Variants in ITGA2 observed in about 807,000 individuals in gnomAD.
ITGA2 encodes the protein integrin alpha-2.
Under a neutral mutation model 146.3 loss-of-function variants are expected in ITGA2, and 101 were observed. The observed-to-expected ratio is 0.69, with a 90% CI of 0.59 to 0.81. ITGA2 has a LOEUF of 0.81. ITGA2 is among the 40% of genes least tolerant of loss of function. ITGA2 has a pLI of 0.00. For missense variants in ITGA2, 1,281 were observed against 1,402.7 expected (o/e 0.91, Z 1.39); for synonymous variants, 477 against 487.1 (o/e 0.98, Z 0.27).
chr5:52,989,627 T>G, intron 1 of ITGA2, 95 bp downstream of exon 1: 4 of 1,345,116 alleles, frequency 3.0e-6, no homozygotes, highest in Non-Finnish European at 4.3e-6. Context: ...GGGAGCGAGC[T>G]CCGTGTGTTC....
chr5:53,061,770 A>G (rs1024279084), intron 12 of ITGA2, among the ~76,000 whole-genome samples: 12 of 151,910 alleles, frequency 7.9e-5, no homozygotes, highest in African/African-American at 2.9e-4. Context: ...CTGACAACCA[A>G]CAAAAAGTGG....
chr5:53,063,107 G>A (rs559332563), intron 13 of ITGA2, among the ~76,000 whole-genome samples, 178 bp downstream of exon 13: 5 of 151,932 alleles, frequency 3.3e-5, no homozygotes, highest in Admixed American at 2.6e-4. Context: ...CACATTAACA[G>A]GAAAAACTAG....
At position 53,078,863 on chromosome 5, in the gene ITGA2, T is replaced by C. The variant is rs779030762; in HGVS notation, c.2917T>C (p.Phe973Leu). Residue 973 changes from phenylalanine (F) to leucine (L), a missense_variant, in exon 24 of 30, where the codon TTC becomes CTC. Coordinates refer to ENST00000296585, the MANE Select transcript of ITGA2 (RefSeq NM_002203.4). The stretch of plus-strand genomic sequence containing the variant: ...TGAAGATGTTGGTCCAAAATTCATC[T>C]TCTCCCTGAAGGTTGGTAAGCCTGT... ...SFEDVGPKFI[F>L]SLKVTTGSVP... 6.3e-7 allele frequency: 1 copy of C among 1,597,566 alleles called. No homozygotes were observed. The highest frequency in any genetic ancestry group is 8.6e-7 in the Non-Finnish European group (1 of 1,165,686).
At chr5:53,090,490 G>GT in intron 29 of ITGA2, 29 bp from the exon 30 acceptor site, 1 of 1,602,354 alleles carries the variant, frequency 6.2e-7, no homozygotes, top group East Asian at 2.2e-5. Flanking sequence ...GCCACGGGTG[G>GT]TAACATTCTT....
chr5:52,996,431 G>A (rs1224049934), intron 1 of ITGA2, among the ~76,000 whole-genome samples: 1 of 152,134 alleles, frequency 6.6e-6, no homozygotes, highest in African/African-American at 2.4e-5. Context: ...GCAGAAAGGA[G>A]CCCCTGCTTA....
chr5:53,033,779 T>G (rs1001945904), intron 2 of ITGA2, among the ~76,000 whole-genome samples: 1 of 151,416 alleles, frequency 6.6e-6, no homozygotes. Context: ...TTTTTTTTTT[T>G]TTGAGACGGA....
rs576288151 is a variant in ITGA2, at chr5:53,021,397, T to C, written c.65-5351T>C. 7.2e-5 allele frequency among the ~76,000 whole-genome samples: 11 copies of C among 152,312 alleles called. No individual in the cohort carries two copies. The East Asian group carries it at 2.1e-3, about 29-fold the overall frequency. On this transcript the variant is annotated intron_variant, in intron 1 of 29. Coordinates refer to ENST00000296585, the MANE Select transcript of ITGA2 (RefSeq NM_002203.4). ...CAAAATTTTTATTAGCAAAATAGAA[T>C]TTCTGTGGCCCAGCCACCTACTTAC...
At chr5:53,050,148 C>T (rs964093190) in intron 6 of ITGA2, among the ~76,000 whole-genome samples, 2 of 152,124 alleles carry the variant, frequency 1.3e-5, no homozygotes, top group African/African-American at 4.8e-5. Context: ...ATGAGTTACC[C>T]TCATAATGTG....
chr5:53,019,131 A>T (rs1215458441), intron 1 of ITGA2, among the ~76,000 whole-genome samples: 1 of 152,134 alleles, frequency 6.6e-6, no homozygotes, highest in East Asian at 1.9e-4. Context: ...TTTTTAAATG[A>T]AAATAAAGGG....
chr5:53,007,346 C>T (rs941244435), intron 1 of ITGA2, among the ~76,000 whole-genome samples: 1 of 152,030 alleles, frequency 6.6e-6, no homozygotes, highest in Non-Finnish European at 1.5e-5. Flanking sequence ...GGCTTGTGAA[C>T]AGGGTATAAT....
At chr5:53,042,334 C>T in intron 3 of ITGA2, 113 bp downstream of exon 3, 1 of 768,414 alleles carries the variant, frequency 1.3e-6, no homozygotes. Flanking sequence ...TTTTTTTGCC[C>T]TTATGTCTTT....
intron 28 of ITGA2, among the ~76,000 whole-genome samples, chr5:53,088,247 AG>A (rs1342576145): frequency 1.3e-5 from 2 of 152,252 alleles, no homozygotes; most frequent in African/African-American, 2.4e-5. Context: ...TTTAGAAAGC[AG>A]TATTAAATAT....
intron 24 of ITGA2, 37 bp downstream of exon 24, chr5:53,078,911 G>C: frequency 8.9e-7 from 1 of 1,129,332 alleles, no homozygotes; most frequent in Non-Finnish European, 1.4e-6. Context: ...AAATCCAGGA[G>C]AAAGTGAGAA....
At chr5:53,062,373 C>T (rs1010346230) in intron 12 of ITGA2, among the ~76,000 whole-genome samples, 1 of 151,906 alleles carries the variant, frequency 6.6e-6, no homozygotes, top group African/African-American at 2.4e-5. Context: ...CTCCCTGCCT[C>T]TACCCCTCCT....
At chr5:53,083,199 G>A (rs760124530) in intron 26 of ITGA2, 141 bp from the exon 27 acceptor site, 10 of 666,990 alleles carry the variant, frequency 1.5e-5, no homozygotes, top group Non-Finnish European at 2.4e-5. Context: ...GGGAGAGTTA[G>A]AACTACTAAT....
chr5:53,066,056 A>C, intron 15 of ITGA2, 79 bp downstream of exon 15: 1 of 1,317,592 alleles, frequency 7.6e-7, no homozygotes, highest in Non-Finnish European at 1.1e-6. Flanking sequence ...TACTGGTATT[A>C]TAGAAATGCC....
At chr5:53,054,270 A>G (rs566671631) in intron 7 of ITGA2, among the ~76,000 whole-genome samples, 19 of 152,296 alleles carry the variant, frequency 1.2e-4, no homozygotes, top group African/African-American at 3.8e-4. Flanking sequence ...TTTTAATCTA[A>G]GGTCTTCTCA....
At chr5:53,084,504 G>C (rs527243481) in intron 27 of ITGA2, among the ~76,000 whole-genome samples, 1 of 152,116 alleles carries the variant, frequency 6.6e-6, no homozygotes, top group Non-Finnish European at 1.5e-5. Context: ...AGAAGAAAAC[G>C]GAATAGTAAA....
intron 3 of ITGA2, among the ~76,000 whole-genome samples, chr5:53,043,196 G>GTATA (rs775778897): frequency 9.4e-5 from 14 of 148,316 alleles, no homozygotes; most frequent in South Asian, 4.3e-4. Context: ...TGAACACTCA[G>GTATA]TATATATATA....
Sources: allele counts gnomAD v4.1 joint callset (sites outside exome capture counted in the v4.1 genomes callset), GRCh38; gene constraint gnomAD v4.1.1; transcripts MANE v1.5; gene names NCBI Gene and HGNC (gene_info 2026-07-23, HGNC 2026-07-21).